TUT7: variants seen among roughly 807,000 people sequenced by gnomAD.
The protein encoded by TUT7 is terminal uridylyl transferase 7.
Under a neutral mutation model 165.9 loss-of-function variants are expected in TUT7, and 33 were observed. The ratio of observed to expected loss-of-function variants is 0.20; its 90% CI spans 0.15 to 0.27. TUT7 has a LOEUF of 0.27. Among genes scored for constraint, TUT7 ranks in the 10% least tolerant of loss-of-function variants. TUT7 has a pLI of 1.00. For synonymous variants in TUT7, 552 were observed against 608.1 expected (o/e 0.91, Z 1.36); for missense variants, 1,338 against 1,762.3 (o/e 0.76, Z 4.31).
intron 10 of TUT7, among the ~76,000 whole-genome samples, chr9:86,336,551 A>G (rs1351807118): frequency 6.6e-6 from 1 of 152,232 alleles, no homozygotes; most frequent in Non-Finnish European, 1.5e-5. Context: ...GTATAAGGAA[A>G]AAATTCTCTT....
At chr9:86,341,679 T>G (rs1831339485) in intron 6 of TUT7, among the ~76,000 whole-genome samples, 1 of 152,156 alleles carries the variant, frequency 6.6e-6, no homozygotes, top group African/African-American at 2.4e-5. Context: ...AACTCTTTAT[T>G]GATTTAGGGT....
chr9:86,335,117 C>T (rs1830654471), intron 10 of TUT7, among the ~76,000 whole-genome samples: 1 of 152,176 alleles, frequency 6.6e-6, no homozygotes, highest in Non-Finnish European at 1.5e-5. Flanking sequence ...AACATTTGTT[C>T]TCCTTCCTTG....
chr9:86,306,437 T>C (rs546737477), intron 22 of TUT7, among the ~76,000 whole-genome samples: 1 of 152,352 alleles, frequency 6.6e-6, no homozygotes, highest in African/African-American at 2.4e-5. Context: ...AAGTGATTTT[T>C]ATATGTGTAT....
rs1832426304 is a variant in TUT7 at position 86,352,967 on chromosome 9, G to A, written c.233C>T (p.Ala78Val). The A allele has an allele frequency of 6.2e-7, 1 of 1,614,056 alleles. No individual in the cohort carries two copies. The highest frequency in any genetic ancestry group is 1.3e-5 in the African/African-American group (1 of 74,924). Reference sequence around the variant, plus strand: ...TTGACTGTAGATTGGGTTTTTAAATGCATATGGATTGCTGGAAACAGCACA... The same window carrying A: ...TTGACTGTAGATTGGGTTTTTAAATACATATGGATTGCTGGAAACAGCACA... Reference protein sequence around the residue: ...GPCAVSSNPYAFKNPIYSQPA... With the variant: ...GPCAVSSNPYVFKNPIYSQPA... The change falls in exon 2 of 27, where the codon GCA becomes GTA. Residue 78 changes from alanine (A) to valine (V), a missense_variant. Physicochemically the swap from Ala to Val is moderately conservative, Grantham distance 64. Transcript: ENST00000375963.
chr9:86,306,693 G>C (rs552938184), intron 22 of TUT7, among the ~76,000 whole-genome samples: 1 of 152,200 alleles, frequency 6.6e-6, no homozygotes, highest in African/African-American at 2.4e-5. Context: ...TGTAGTCCCA[G>C]CTACTCTGGA....
At chr9:86,297,017 A>ATTTTTCCTG (rs1156623469) in intron 26 of TUT7, among the ~76,000 whole-genome samples, 1 of 152,164 alleles carries the variant, frequency 6.6e-6, no homozygotes, top group Non-Finnish European at 1.5e-5. Flanking sequence ...ATTGCAATAC[A>ATTTTTCCTG]TTTTTCCTGT....
At chr9:86,340,974 A>T (rs1034244071) in intron 7 of TUT7, 28 bp downstream of exon 7, 1 of 1,580,064 alleles carries the variant, frequency 6.3e-7, no homozygotes, top group African/African-American at 1.4e-5. Flanking sequence ...CAACATAAAA[A>T]TTTTTTAAAT....
chr9:86,290,204 C>A (rs1248601549), intron 26 of TUT7, among the ~76,000 whole-genome samples: 3 of 152,092 alleles, frequency 2.0e-5, no homozygotes, highest in Non-Finnish European at 1.5e-5. Flanking sequence ...TGTAAAAAGA[C>A]AGGAAAACTT....
At position 86,318,964 on chromosome 9, in the gene TUT7, A is replaced by G. The variant is rs983575180; in HGVS notation, c.3210T>C (p.Thr1070=). 11 of 1,612,310 alleles carry G rather than the reference A, an allele frequency of 6.8e-6. No homozygotes were observed. Among genetic ancestry groups the G allele is most frequent in the Non-Finnish European group, 9.3e-6 (11 of 1,179,066 alleles). ...TTTTATGTGGTCACTGTACCTCAGC[A>G]GTTTCAAGTCCATTAATTGTCATAC... ...DVCMTINGLE[T]AEGLDCVRTI... Residue 1070 remains threonine (T), a synonymous_variant, in exon 16 of 27, where the codon ACT becomes ACC. Transcript: ENST00000375963.
chr9:86,307,664 C>T (rs1473928032), intron 22 of TUT7, among the ~76,000 whole-genome samples: 1 of 152,154 alleles, frequency 6.6e-6, no homozygotes. Context: ...CAACTATTAG[C>T]ATCAATGGCT....
chr9:86,292,940 T>C (rs1015249710), intron 26 of TUT7, among the ~76,000 whole-genome samples: 4 of 152,210 alleles, frequency 2.6e-5, no homozygotes, highest in African/African-American at 9.6e-5. Flanking sequence ...TAATCTACTA[T>C]ATCAGAAAAA....
intron 17 of TUT7, among the ~76,000 whole-genome samples, chr9:86,316,331 C>A (rs552217121): frequency 6.6e-6 from 1 of 152,224 alleles, no homozygotes; most frequent in Admixed American, 6.5e-5. Context: ...TCAGGCCAAG[C>A]GTAGTGGCTC....
At position 86,323,884 on chromosome 9, in the gene TUT7, T is replaced by C; in HGVS notation, c.1866A>G (p.Leu622=). 6.2e-7 allele frequency: 1 copy of C among 1,613,954 alleles called. No individual in the cohort carries two copies. The highest frequency in any genetic ancestry group is 1.3e-5 in the African/African-American group (1 of 75,062). The stretch of plus-strand genomic sequence containing the variant: ...GAGCAAAATACTTGTATGTTGTCCT[T>C]AAACAATGAAGTATATATTCAAACA... ...QPVFEYILHC[L]RTTYKYFALP... The change falls in exon 13 of 27, where the codon TTA becomes TTG. Residue 622 remains leucine, a synonymous_variant. Transcript: ENST00000375963.
chr9:86,337,218 C>A, intron 10 of TUT7: 3 of 565,462 alleles, frequency 5.3e-6, no homozygotes, highest in South Asian at 2.4e-5. Flanking sequence ...TAATAATATC[C>A]CTAAGCAGGT....
At chr9:86,345,868 TC>T in intron 3 of TUT7, 83 bp from the exon 4 acceptor site, 4 of 1,009,790 alleles carry the variant, frequency 4.0e-6, no homozygotes, top group Non-Finnish European at 6.1e-6. Context: ...GGAAATGATT[TC>T]CCCTTCAATT....
At chr9:86,290,440 A>G (rs1328736765) in intron 26 of TUT7, among the ~76,000 whole-genome samples, 2 of 152,190 alleles carry the variant, frequency 1.3e-5, no homozygotes, top group Non-Finnish European at 2.9e-5. Flanking sequence ...ATTTCAGTCA[A>G]GAAGAAACAA....
chr9:86,350,655 T>C (rs921281416), intron 2 of TUT7, among the ~76,000 whole-genome samples: 1 of 152,250 alleles, frequency 6.6e-6, no homozygotes, highest in African/African-American at 2.4e-5. Context: ...TGCAGCTGCC[T>C]GATTTGTAAA....
chr9:86,346,367 T>A lies in TUT7; in HGVS notation c.634A>T (p.Lys212Ter). 6.2e-7 allele frequency: 1 copy of A among 1,614,138 alleles called. No individual in the cohort carries two copies. ...GCCTGCTGTAAGCCTAGCAGCTCCT[T>A]CGTTGAAAGTACAGACTCATCGATC... ...PVIDESVLST[K>*]ELLGLQQAEE... is the part of the protein sequence containing the mutation. Residue 212 changes from lysine to a stop codon, truncating the protein, a stop_gained, in exon 3 of 27, where the codon AAG (lysine) becomes TAG (stop). Transcript: ENST00000375963. LOFTEE classifies it high-confidence loss of function.
In TUT7 at chr9:86,323,179, T is replaced by TTCCTCCTCCTCTTCTTCGTCG. The variant is rs756042255; in HGVS notation, c.2550_2570dup (p.Asp850_Glu856dup). ...GGTTAATGGTGAGCCTAGGTTCTTC[T>TTCCTCCTCCTCTTCTTCGTCG]TCCTCCTCCTCTTCTTCGTCGTCCT... On this transcript the variant is annotated inframe_insertion, in exon 13 of 27. Coordinates refer to ENST00000375963, the MANE Select transcript of TUT7 (RefSeq NM_024617.4). The TTCCTCCTCCTCTTCTTCGTCG allele has an allele frequency of 6.2e-7, 1 of 1,614,194 alleles. No individual in the cohort carries two copies. Among genetic ancestry groups the TTCCTCCTCCTCTTCTTCGTCG allele is most frequent in the Non-Finnish European group, 8.5e-7 (1 of 1,180,030 alleles).
Sources: gnomAD v4.1 joint callset for allele counts (sites outside exome capture counted in the v4.1 genomes callset) on GRCh38, gnomAD v4.1.1 for gene constraint, MANE v1.5 for transcripts, NCBI Gene and HGNC (gene_info 2026-07-23, HGNC 2026-07-21) for gene names.